CYP2C19: variants seen among roughly 807,000 people sequenced by gnomAD.
CYP2C19 encodes cytochrome P450 2C19.
CYP2C19 carries 59 observed loss-of-function variants against 40.9 expected under a neutral mutation model. The ratio of observed to expected loss-of-function variants is 1.44; its 90% confidence interval spans 1.17 to 1.79. CYP2C19 has a LOEUF of 1.79. CYP2C19 is among the 40% of genes most tolerant of loss of function. CYP2C19 has a pLI of 0.00. For missense variants in CYP2C19, 754 were observed against 596.9 expected (o/e 1.26, Z -2.74); for synonymous variants, 253 against 208.7 (o/e 1.21, Z -1.83).
intron 5 of CYP2C19, among the ~76,000 whole-genome samples, chr10:94,801,683 C>G (rs534096433): frequency 6.6e-6 from 1 of 152,178 alleles, no homozygotes; most frequent in Non-Finnish European, 1.5e-5. Flanking sequence ...CTGATATTGA[C>G]AGTGGGTGAT....
chr10:94,763,899 G>A (rs1848207095), intron 1 of CYP2C19, among the ~76,000 whole-genome samples: 1 of 152,096 alleles, frequency 6.6e-6, no homozygotes, highest in South Asian at 2.1e-4. Flanking sequence ...TCCTTCAGAT[G>A]TTCAGATGCA....
At chr10:94,815,422 T>A (rs2134263230) in intron 5 of CYP2C19, among the ~76,000 whole-genome samples, 1 of 152,352 alleles carries the variant, frequency 6.6e-6, no homozygotes, top group South Asian at 2.1e-4. Context: ...GATGATCTCT[T>A]GTACTCAGTA....
intron 1 of CYP2C19, among the ~76,000 whole-genome samples, chr10:94,763,463 A>G (rs2134227669): frequency 6.6e-6 from 1 of 152,262 alleles, no homozygotes; most frequent in East Asian, 1.9e-4. Flanking sequence ...TAATAGTAGA[A>G]AGAGGGTTAG....
chr10:94,786,657 C>A (rs891498378), intron 5 of CYP2C19, among the ~76,000 whole-genome samples: 1 of 152,098 alleles, frequency 6.6e-6, no homozygotes, highest in East Asian at 1.9e-4. Context: ...GAATAGTACC[C>A]AATAGGTAGT....
At chr10:94,835,740 T>A (rs1334809121) in intron 6 of CYP2C19, among the ~76,000 whole-genome samples, 1 of 152,202 alleles carries the variant, frequency 6.6e-6, no homozygotes. Context: ...TTCATGGACA[T>A]GGAAGACTAG....
chr10:94,816,780 C>T (rs991827652), intron 5 of CYP2C19, among the ~76,000 whole-genome samples: 1 of 146,628 alleles, frequency 6.8e-6, no homozygotes, highest in Admixed American at 6.9e-5. Context: ...TTCATGTGTC[C>T]ATGTGATCTC....
intron 5 of CYP2C19, among the ~76,000 whole-genome samples, chr10:94,800,421 T>C (rs2099185199): frequency 6.6e-6 from 1 of 152,160 alleles, no homozygotes; most frequent in African/African-American, 2.4e-5. Context: ...CACCCACGTG[T>C]ATGAGGTGTC....
At chr10:94,771,507 C>T (rs1373611187) in intron 1 of CYP2C19, among the ~76,000 whole-genome samples, 1 of 152,098 alleles carries the variant, frequency 6.6e-6, no homozygotes, top group Non-Finnish European at 1.5e-5. Context: ...CCTCAGTTGG[C>T]CATTTTTCCC....
chr10:94,850,766 C>T (rs1260538016), intron 8 of CYP2C19, among the ~76,000 whole-genome samples: 1 of 152,110 alleles, frequency 6.6e-6, no homozygotes, highest in Non-Finnish European at 1.5e-5. Context: ...AGGATATTGG[C>T]TCTAAATAAA....
At chr10:94,805,428 TA>T (rs1290947099) in intron 5 of CYP2C19, among the ~76,000 whole-genome samples, 1 of 152,166 alleles carries the variant, frequency 6.6e-6, no homozygotes, top group African/African-American at 2.4e-5. Context: ...TTAAATTTTG[TA>T]AAAAATGTTG....
In CYP2C19 at chr10:94,775,440, C is replaced by T. The variant is rs1274867890; in HGVS notation, c.382C>T (p.Leu128Phe). ...ATGGAAGGAGATCCGGCGTTTCTCCCTCATGACGCTGCGGAATTTTGGGAT... is the reference window on the plus strand; with the variant it reads ...ATGGAAGGAGATCCGGCGTTTCTCCTTCATGACGCTGCGGAATTTTGGGAT... ...KRWKEIRRFS[L>F]MTLRNFGMGK... The change falls in exon 3 of 9, where the codon CTC becomes TTC. Residue 128 changes from leucine (L) to phenylalanine (F), a missense_variant. By Grantham distance (22) the Leu-to-Phe change is conservative (BLOSUM62 0). Coordinates refer to ENST00000371321, the MANE Select transcript of CYP2C19 (RefSeq NM_000769.4). The T allele has an allele frequency of 5.6e-6, 9 of 1,613,926 alleles. No homozygotes were observed. The highest frequency in any genetic ancestry group is 7.6e-6 in the Non-Finnish European group (9 of 1,180,016).
At chr10:94,764,463 C>A (rs2134228514) in intron 1 of CYP2C19, among the ~76,000 whole-genome samples, 1 of 152,262 alleles carries the variant, frequency 6.6e-6, no homozygotes, top group African/African-American at 2.4e-5. Context: ...AATCCTTTAG[C>A]TAGACAGAAA....
intron 5 of CYP2C19, among the ~76,000 whole-genome samples, chr10:94,793,762 C>G (rs533612805): frequency 6.6e-5 from 10 of 152,238 alleles, no homozygotes; most frequent in Non-Finnish European, 1.2e-4. Context: ...GGGTGTCAGT[C>G]GGCCCCTACT....
chr10:94,814,890 C>T (rs1458326383), intron 5 of CYP2C19, among the ~76,000 whole-genome samples: 1 of 141,434 alleles, frequency 7.1e-6, no homozygotes, highest in Non-Finnish European at 1.5e-5. Context: ...CTCTCTGTGG[C>T]AGTGTTGAAT....
chr10:94,832,233 A>C (rs534206940), intron 6 of CYP2C19, among the ~76,000 whole-genome samples: 1 of 152,290 alleles, frequency 6.6e-6, no homozygotes, highest in Admixed American at 6.5e-5. Context: ...CATACACAAG[A>C]CCGGGTAATT....
intron 5 of CYP2C19, among the ~76,000 whole-genome samples, chr10:94,813,492 A>T (rs1393995953): frequency 6.6e-6 from 1 of 151,984 alleles, no homozygotes; most frequent in Admixed American, 6.5e-5. Flanking sequence ...GAGAGTAGGA[A>T]TCTAGAGGGG....
At chr10:94,837,249 T>A (rs1361128461) in intron 6 of CYP2C19, among the ~76,000 whole-genome samples, 1 of 152,234 alleles carries the variant, frequency 6.6e-6, no homozygotes, top group Non-Finnish European at 1.5e-5. Context: ...TGCATGGTTT[T>A]ACTAGGCCTT....
chr10:94,779,918 GTT>G (rs1355329929), intron 3 of CYP2C19, among the ~76,000 whole-genome samples: 1 of 151,964 alleles, frequency 6.6e-6, no homozygotes, highest in African/African-American at 2.4e-5. Flanking sequence ...ACAAGTTTTT[GTT>G]TAATTTTTTT....
At chr10:94,818,570 C>T (rs1207818742) in intron 5 of CYP2C19, among the ~76,000 whole-genome samples, 23 of 140,396 alleles carry the variant, frequency 1.6e-4, no homozygotes, top group African/African-American at 5.9e-4. Context: ...TTTCCTTGAG[C>T]AGTGGTTTGT....
Sources: gnomAD v4.1 joint callset for allele counts (sites outside exome capture counted in the v4.1 genomes callset) on GRCh38, gnomAD v4.1.1 for gene constraint, MANE v1.5 for transcripts, NCBI Gene and HGNC (gene_info 2026-07-23, HGNC 2026-07-21) for gene names.